Variants in LPP observed in about 807,000 individuals in gnomAD.
LPP encodes the protein LIM domain containing preferred translocation partner in lipoma, also known as lipoma-preferred partner.
Under a neutral mutation model 60.4 loss-of-function variants are expected in LPP, and 38 were observed. That is an observed-to-expected ratio of 0.63 (90% CI 0.49 to 0.83). The LOEUF is 0.83. Among genes scored for constraint, LPP ranks in the 40% least tolerant of loss-of-function variants. The pLI is 0.00. For synonymous variants in LPP, 328 were observed against 290.8 expected, an observed-to-expected ratio of 1.13 and a Z score of -1.30; for missense variants, 902 against 783.6, an observed-to-expected ratio of 1.15 and a Z score of -1.80.
chr3:188,792,028 G>A (rs949452579), intron 9 of LPP, among the ~76,000 whole-genome samples: 9 of 152,036 alleles, frequency 5.9e-5, no homozygotes, highest in Non-Finnish European at 1.3e-4. Context: ...CAGACCCTAA[G>A]GTCTTCTGAA....
chr3:188,786,381 T>TAAA (rs1741877954), intron 9 of LPP, among the ~76,000 whole-genome samples: 1 of 19,764 alleles, frequency 5.1e-5, no homozygotes, highest in Non-Finnish European at 9.3e-5. Flanking sequence ...AGACTCCGTC[T>TAAA]CAAAAAAAAA....
chr3:188,321,827 A>G (rs1390929886), intron 2 of LPP, among the ~76,000 whole-genome samples: 2 of 152,236 alleles, frequency 1.3e-5, no homozygotes, highest in African/African-American at 2.4e-5. Context: ...AACTTTAAAT[A>G]GAGAAAACTT....
chr3:188,800,935 T>TTAACCCTTTGTCTGTAAGA (rs1747058956), intron 9 of LPP, among the ~76,000 whole-genome samples: 1 of 152,182 alleles, frequency 6.6e-6, no homozygotes, highest in Non-Finnish European at 1.5e-5. Flanking sequence ...TATATGAGTT[T>TTAACCCTTTGTCTGTAAGA]TAACCCTTTG....
rs140312196 is a variant in LPP at position 188,759,331 on chromosome 3, C to T, written c.1241-782C>T. ...AGAATACTGCATGAACAACGAGAAC[C>T]GTGGCCCTGAAAGACTCAAAACCCT... On this transcript the variant is annotated intron_variant, in intron 8 of 11. Transcript: ENST00000617246. 4.0e-4 allele frequency: 61 copies of T among 152,276 alleles called. No homozygotes were observed. In the East Asian group the frequency reaches 7.7e-3, roughly 19 times the overall value. 9.4% of individuals were successfully genotyped at this position (152,276 alleles called of 1,614,324 possible). A position where few individuals can be genotyped will look rare whatever the true frequency, so the allele number is the denominator to read the frequency against.
intron 6 of LPP, among the ~76,000 whole-genome samples, chr3:188,592,460 C>T (rs1838951385): frequency 6.6e-6 from 1 of 151,548 alleles, no homozygotes; most frequent in African/African-American, 2.4e-5. Context: ...GTTGTTATCA[C>T]TAAAGTTTTG....
intron 1 of LPP, among the ~76,000 whole-genome samples, chr3:188,174,631 C>T (rs532457552): frequency 8.5e-5 from 13 of 152,238 alleles, no homozygotes; most frequent in Admixed American, 7.8e-4. Context: ...CTTATCCTGC[C>T]ATTTATGGTC....
rs148156402 is a variant in LPP at position 188,839,296 on chromosome 3, C to A, written c.1411-26904C>A. Among the ~76,000 whole-genome samples the A allele has an allele frequency of 1.3e-4, 20 of 152,292 alleles. No homozygotes were observed. The East Asian group carries it at 1.4e-3, about 10-fold the overall frequency. On this transcript the variant is annotated intron_variant, in intron 9 of 11. Coordinates refer to ENST00000617246, the MANE Select transcript of LPP (RefSeq NM_001375462.1). Reference sequence around the variant, plus strand: ...TTTTAATAGAATCTTATCTAAATATCTGGAATCTTACTGCAAGGGCCGATC... The same window carrying A: ...TTTTAATAGAATCTTATCTAAATATATGGAATCTTACTGCAAGGGCCGATC...
At chr3:188,387,620 G>T (rs1200861333) in intron 3 of LPP, among the ~76,000 whole-genome samples, 1 of 149,218 alleles carries the variant, frequency 6.7e-6, no homozygotes, top group African/African-American at 2.5e-5. Flanking sequence ...ATGCTGGAGT[G>T]CAGTGGCATG....
chr3:188,380,406 C>G (rs1332312018), intron 3 of LPP, among the ~76,000 whole-genome samples: 1 of 152,232 alleles, frequency 6.6e-6, no homozygotes, highest in Non-Finnish European at 1.5e-5. Context: ...TTTGCCTCTG[C>G]AGGACTCTGA....
chr3:188,242,711 C>T (rs1265884197), intron 2 of LPP, among the ~76,000 whole-genome samples: 1 of 152,192 alleles, frequency 6.6e-6, no homozygotes, highest in African/African-American at 2.4e-5. Context: ...CCTTCTGAGG[C>T]TAACATGCCA....
At chr3:188,756,213 G>A (rs562021325) in intron 8 of LPP, among the ~76,000 whole-genome samples, 2 of 152,304 alleles carry the variant, frequency 1.3e-5, no homozygotes, top group South Asian at 4.1e-4. Context: ...TGAATCTAGA[G>A]TCAGTACAAA....
intron 2 of LPP, among the ~76,000 whole-genome samples, chr3:188,275,980 A>T (rs1258985023): frequency 5.3e-5 from 8 of 152,182 alleles, no homozygotes; most frequent in Admixed American, 5.2e-4. Flanking sequence ...AGCCTCCAGG[A>T]ACTTTTCTAG....
intron 1 of LPP, among the ~76,000 whole-genome samples, chr3:188,220,710 T>C (rs1325477152): frequency 1.3e-5 from 2 of 152,212 alleles, no homozygotes; most frequent in African/African-American, 4.8e-5. Flanking sequence ...GGCAGTTCAC[T>C]GAAGGCAGAG....
intron 7 of LPP, among the ~76,000 whole-genome samples, chr3:188,665,064 A>G (rs372479693): frequency 2.0e-5 from 3 of 152,142 alleles, no homozygotes; most frequent in Admixed American, 6.5e-5. Context: ...CTAGATTTTT[A>G]GTGCACAAAA....
At chr3:188,706,390 T>C (rs1865486557) in intron 7 of LPP, among the ~76,000 whole-genome samples, 1 of 152,224 alleles carries the variant, frequency 6.6e-6, no homozygotes, top group African/African-American at 2.4e-5. Context: ...CTAATCCAAA[T>C]TGTTCAACAA....
At chr3:188,603,023 A>AAAT (rs57026715) in intron 6 of LPP, among the ~76,000 whole-genome samples, 17,555 of 146,386 alleles carry the variant, frequency 0.12, 1,168 homozygotes, top group South Asian at 0.16. Flanking sequence ...CTTGTGTTTG[A>AAAT]AATAATAATA....
At chr3:188,692,565 C>T (rs996400722) in intron 7 of LPP, among the ~76,000 whole-genome samples, 1 of 152,192 alleles carries the variant, frequency 6.6e-6, no homozygotes, top group Non-Finnish European at 1.5e-5. Context: ...ACAACCATCT[C>T]CCCTTTCTCT....
intron 2 of LPP, among the ~76,000 whole-genome samples, chr3:188,336,326 T>C (rs1405455389): frequency 6.6e-6 from 1 of 152,144 alleles, no homozygotes; most frequent in African/African-American, 2.4e-5. Context: ...TAGGGTTGGA[T>C]GTAGGCTTCC....
At chr3:188,278,111 G>T (rs1438679812) in intron 2 of LPP, among the ~76,000 whole-genome samples, 3 of 152,148 alleles carry the variant, frequency 2.0e-5, no homozygotes, top group African/African-American at 4.8e-5. Context: ...TGGGTAAATT[G>T]CTTTCTATTG....
Sources: allele counts gnomAD v4.1 joint callset (sites outside exome capture counted in the v4.1 genomes callset), GRCh38; gene constraint gnomAD v4.1.1; transcripts MANE v1.5; gene names NCBI Gene and HGNC (gene_info 2026-07-23, HGNC 2026-07-21).